Variants in EPAS1 observed in about 807,000 individuals in gnomAD.
The protein encoded by EPAS1 is endothelial PAS domain protein 1, also known as endothelial PAS domain-containing protein 1.
In EPAS1, 23 loss-of-function variants were observed where a neutral mutation model predicts 87.9. That is an observed-to-expected ratio of 0.26 (90% confidence interval 0.19 to 0.37). The LOEUF (loss-of-function observed/expected upper bound fraction) is 0.37. Ranked by LOEUF, EPAS1 falls within the 10% of genes least tolerant of loss-of-function variation. EPAS1 has a pLI of 1.00. For missense variants in EPAS1, 1,138 were observed against 1,120.7 expected (o/e 1.02, Z -0.22); for synonymous variants, 508 against 444.3 (o/e 1.14, Z -1.80).
intron 1 of EPAS1, among the ~76,000 whole-genome samples, chr2:46,313,760 ATAAT>A (rs2104843907): frequency 6.6e-6 from 1 of 152,266 alleles, no homozygotes; most frequent in South Asian, 2.1e-4. Flanking sequence ...CCCACATGTC[ATAAT>A]TTATTTGCTT....
At chr2:46,335,505 C>G (rs1403150036) in intron 1 of EPAS1, among the ~76,000 whole-genome samples, 2 of 151,408 alleles carry the variant, frequency 1.3e-5, no homozygotes, top group Non-Finnish European at 2.9e-5. Context: ...CAGTCCAGCT[C>G]TGTTTTCTCA....
intron 1 of EPAS1, among the ~76,000 whole-genome samples, chr2:46,330,289 G>A (rs1026861559): frequency 2.0e-5 from 3 of 152,080 alleles, no homozygotes; most frequent in African/African-American, 4.8e-5. Context: ...ATCCAGCTCC[G>A]TTTCTGAGCT....
chr2:46,376,098 G>C (rs56037329), intron 8 of EPAS1, among the ~76,000 whole-genome samples: 150 of 152,294 alleles, frequency 9.8e-4, no homozygotes, highest in South Asian at 2.1e-3. Flanking sequence ...ACCCAGGTGG[G>C]GAGGCAGATA....
chr2:46,380,616 G>A lies in EPAS1; in HGVS notation c.1944G>A (p.Gly648=), dbSNP rs1267496962. 1 of 1,614,010 alleles carries A rather than the reference G, an allele frequency of 6.2e-7. No individual in the cohort carries two copies. The highest frequency in any genetic ancestry group is 8.5e-7 in the Non-Finnish European group (1 of 1,179,982). ...QWPPDPPLHF[G]PTKWAVGDQR... Reference sequence around the variant, plus strand: ...CCCCAGATCCACCATTACATTTTGGGCCCACAAAGTGGGCCGTCGGGGATC... The same window carrying A: ...CCCCAGATCCACCATTACATTTTGGACCCACAAAGTGGGCCGTCGGGGATC... The change falls in exon 12 of 16, where the codon GGG becomes GGA. Residue 648 remains glycine (G), a synonymous_variant. Coordinates refer to ENST00000263734, the MANE Select transcript of EPAS1 (RefSeq NM_001430.5). This position sits in a 1 kb window ranked among gnomAD's most constrained non-coding sequence, Gnocchi z 4.4.
chr2:46,359,129 C>T (rs559974100), intron 4 of EPAS1, among the ~76,000 whole-genome samples: 52 of 151,678 alleles, frequency 3.4e-4, no homozygotes, highest in Non-Finnish European at 4.6e-4. Flanking sequence ...CGTGGTGGCG[C>T]GTGCCTGTAG....
intron 1 of EPAS1, among the ~76,000 whole-genome samples, chr2:46,299,592 G>A (rs1302500853): frequency 6.6e-6 from 1 of 152,026 alleles, no homozygotes; most frequent in Non-Finnish European, 1.5e-5. Context: ...GTCCGGAGCC[G>A]GGGAGGGAAC....
intron 2 of EPAS1, among the ~76,000 whole-genome samples, chr2:46,348,575 G>C (rs1313792511): frequency 6.6e-6 from 1 of 152,194 alleles, no homozygotes; most frequent in Non-Finnish European, 1.5e-5. Flanking sequence ...TGTGGTACTT[G>C]AGATTTTGCT....
At chr2:46,350,725 A>G (rs146490725) in intron 2 of EPAS1, among the ~76,000 whole-genome samples, 305 of 152,356 alleles carry the variant, frequency 2.0e-3, no homozygotes, top group African/African-American at 6.0e-3. Context: ...TTTTCATTGT[A>G]AAACTGAATT....
At position 46,297,892 on chromosome 2, in the gene EPAS1, C is replaced by G; in HGVS notation, c.-20C>G. ...GCCCAGGTGCTCGGCGTCTGAACGT[C>G]TCAAAGGGCCACAGCGACAATGACA... On this transcript the variant is annotated 5_prime_UTR_variant, in exon 1 of 16. Transcript: ENST00000263734. 6.2e-7 allele frequency: 1 copy of G among 1,610,748 alleles called. No individual in the cohort carries two copies.
rs1684721281 is a variant in EPAS1 at position 46,375,312 on chromosome 2, T to C, written c.887-378T>C. 1.3e-5 allele frequency among the ~76,000 whole-genome samples: 2 copies of C among 151,872 alleles called. No homozygotes were observed. The highest frequency in any genetic ancestry group is 4.8e-5 in the African/African-American group (2 of 41,358). On this transcript the variant is annotated intron_variant, in intron 7 of 15. Transcript: ENST00000263734. The surrounding 1 kb of genome is among the most constrained non-coding windows in gnomAD (Gnocchi z 4.1). ...CCAGTGTGAAGGGGCTTCTTCTCAT[T>C]GAACCCCATGAAGAAAGTAAGGCAG...
chr2:46,306,366 G>C (rs1683109211), intron 1 of EPAS1, among the ~76,000 whole-genome samples: 1 of 152,188 alleles, frequency 6.6e-6, no homozygotes, highest in South Asian at 2.1e-4. Context: ...GAGGTGCTGA[G>C]AGAAACAAGC....
chr2:46,329,887 T>G (rs1683641165), intron 1 of EPAS1, among the ~76,000 whole-genome samples: 5 of 152,206 alleles, frequency 3.3e-5, no homozygotes, highest in Admixed American at 3.3e-4. Context: ...TCTGGCTGTC[T>G]GCATAGCTTC....
chr2:46,336,405 C>T (rs988757488), intron 1 of EPAS1, among the ~76,000 whole-genome samples: 1 of 151,842 alleles, frequency 6.6e-6, no homozygotes, highest in Non-Finnish European at 1.5e-5. Flanking sequence ...AGGAAGTACC[C>T]TGGAGAATGT....
intron 6 of EPAS1, among the ~76,000 whole-genome samples, chr2:46,364,900 A>C (rs1364427029): frequency 1.3e-5 from 2 of 152,218 alleles, no homozygotes; most frequent in African/African-American, 4.8e-5. Context: ...AGTAAAAGAG[A>C]TGATTCCTGA....
chr2:46,335,609 G>A (rs528166075), intron 1 of EPAS1: 3 of 152,066 alleles, frequency 2.0e-5, no homozygotes, highest in Non-Finnish European at 4.4e-5. Flanking sequence ...AATCTTTTGG[G>A]TAACTCCCTG....
At chr2:46,370,522 A>G (rs1338716687) in intron 7 of EPAS1, among the ~76,000 whole-genome samples, 1 of 152,156 alleles carries the variant, frequency 6.6e-6, no homozygotes, top group Non-Finnish European at 1.5e-5. Flanking sequence ...GCTTTAGAAA[A>G]GGCTGTCCAG....
At position 46,384,833 on chromosome 2, in the gene EPAS1, T is replaced by G. The variant is rs1684977524; in HGVS notation, c.*173T>G. On this transcript the variant is annotated 3_prime_UTR_variant, in exon 16 of 16. Coordinates refer to ENST00000263734, the MANE Select transcript of EPAS1 (RefSeq NM_001430.5). The stretch of plus-strand genomic sequence containing the variant: ...AGTGGCCTTTTTCTGAGATGCTCAC[T>G]TTATTATCCCTATTTTTAAAGTACA... 3 of 714,780 alleles carry G rather than the reference T, an allele frequency of 4.2e-6. No individual in the cohort carries two copies. Among genetic ancestry groups the G allele is most frequent in the South Asian group, 3.5e-5 (2 of 56,822 alleles). The allele number at this position is 714,780 out of a possible 1,614,324, so 44.3% of individuals were successfully genotyped here. A position where few individuals can be genotyped will look rare whatever the true frequency, so the allele number is the denominator to read the frequency against.
At chr2:46,304,405 G>A (rs1030690990) in intron 1 of EPAS1, among the ~76,000 whole-genome samples, 2 of 152,140 alleles carry the variant, frequency 1.3e-5, no homozygotes, top group Non-Finnish European at 2.9e-5. Flanking sequence ...TGTTCCATAC[G>A]CCCTTCCCTT....
In EPAS1 at chr2:46,314,700, G is replaced by A. The variant is rs192701099; in HGVS notation, c.26+16763G>A. Among the ~76,000 whole-genome samples, 31 of 152,344 alleles carry A rather than the reference G, an allele frequency of 2.0e-4. No individual in the cohort carries two copies. In the East Asian group the frequency reaches 4.6e-3, roughly 23 times the overall value. On this transcript the variant is annotated intron_variant, in intron 1 of 15. Coordinates refer to ENST00000263734, the MANE Select transcript of EPAS1 (RefSeq NM_001430.5). ...CCTGTTTTCACATGCTCCCTTAGAG[G>A]GAAGGAAGGTGGACGATTAAAGATG...
Sources: allele counts gnomAD v4.1 joint callset (sites outside exome capture counted in the v4.1 genomes callset), GRCh38; gene constraint gnomAD v4.1.1; non-coding constraint Gnocchi (gnomAD v3.1); transcripts MANE v1.5; gene names NCBI Gene and HGNC (gene_info 2026-07-23, HGNC 2026-07-21).